EEFSEC: variants seen among roughly 807,000 people sequenced by gnomAD.
The protein encoded by EEFSEC is eukaryotic elongation factor, selenocysteine-tRNA specific.
A neutral mutation model predicts 42.1 loss-of-function variants in EEFSEC; 43 were observed. The ratio of observed to expected loss-of-function variants is 1.02; its 90% CI spans 0.80 to 1.32. The LOEUF is 1.32. Among genes scored for constraint, EEFSEC ranks in the 40% most tolerant of loss-of-function variants. The pLI is 0.00. For missense variants in EEFSEC, 745 were observed against 803.6 expected (o/e 0.93, Z 0.88); for synonymous variants, 354 against 339.1 (o/e 1.04, Z -0.48).
chr3:128,312,376 C>T (rs6794591), intron 4 of EEFSEC, among the ~76,000 whole-genome samples: 26,498 of 152,198 alleles, frequency 0.17, 3,060 homozygotes, highest in African/African-American at 0.33. Flanking sequence ...AGCTCTCTCT[C>T]CTGGAGTTTT....
intron 6 of EEFSEC, among the ~76,000 whole-genome samples, chr3:128,379,773 C>T (rs2067752124): frequency 1.3e-5 from 2 of 152,256 alleles, no homozygotes; most frequent in Admixed American, 6.5e-5. Context: ...GGAGTGTCTT[C>T]GTGGGGTCAC....
intron 4 of EEFSEC, among the ~76,000 whole-genome samples, chr3:128,303,100 G>A (rs1559911072): frequency 6.6e-6 from 1 of 152,038 alleles, no homozygotes. Context: ...ATGATATATT[G>A]CTTTGCATTT....
downstream of EEFSEC, among the ~76,000 whole-genome samples, chr3:128,411,174 C>T (rs903791356): frequency 2.0e-5 from 3 of 152,196 alleles, no homozygotes; most frequent in South Asian, 2.1e-4. Flanking sequence ...TGCCAGCACC[C>T]GCTTCTGGCT....
At position 128,153,651 on chromosome 3, in the gene EEFSEC, G is replaced by T. The variant is rs148745324; in HGVS notation, c.144G>T (p.Thr48=). The T allele has an allele frequency of 3.7e-3, 5,891 of 1,598,438 alleles. 21 individuals carry two copies. The highest frequency in any genetic ancestry group is 4.3e-3 in the Non-Finnish European group (5,030 of 1,178,174). ...KQPQSRERGI[T]LDLGFSCFSV... ...CGCAGAGCCGCGAGCGCGGCATCAC[G>T]CTCGATCTGGGCTTCTCGTGCTTCT... The change falls in exon 1 of 7, where the codon ACG becomes ACT. Residue 48 remains threonine, a synonymous_variant. Coordinates refer to ENST00000254730, the MANE Select transcript of EEFSEC (RefSeq NM_021937.5).
At chr3:128,228,959 GTC>G (rs2065934075) in intron 1 of EEFSEC, among the ~76,000 whole-genome samples, 1 of 152,168 alleles carries the variant, frequency 6.6e-6, no homozygotes, top group South Asian at 2.1e-4. Flanking sequence ...CCAGCCTGGT[GTC>G]TCTGAGGTTT....
intron 3 of EEFSEC, among the ~76,000 whole-genome samples, 181 bp downstream of exon 3, chr3:128,262,405 A>G (rs2066308304): frequency 1.3e-5 from 2 of 152,094 alleles, no homozygotes; most frequent in South Asian, 4.1e-4. Flanking sequence ...AAAAAGGTAG[A>G]CCCAAACTAG....
At position 128,397,962 on chromosome 3, in the gene EEFSEC, C is replaced by T. The variant is rs541631640; in HGVS notation, c.1601-10107C>T. ...GCCATCAGCCCAGCTGGTAGGTGGTCGGCAGACCTGCTCACCCCCCAGCCT... is the reference window on the plus strand; with the variant it reads ...GCCATCAGCCCAGCTGGTAGGTGGTTGGCAGACCTGCTCACCCCCCAGCCT... On this transcript the variant is annotated intron_variant, in intron 6 of 6. Coordinates refer to ENST00000254730, the MANE Select transcript of EEFSEC (RefSeq NM_021937.5). Among the ~76,000 whole-genome samples the T allele has an allele frequency of 1.7e-4, 26 of 152,338 alleles. 1 individual carries two copies. The highest frequency in any genetic ancestry group is 2.1e-4 in the South Asian group (1 of 4,830).
At chr3:128,186,665 TA>T (rs1007259099) in intron 1 of EEFSEC, among the ~76,000 whole-genome samples, 1 of 152,216 alleles carries the variant, frequency 6.6e-6, no homozygotes, top group Non-Finnish European at 1.5e-5. Context: ...CAGTTTTTGT[TA>T]AAAAAACTGT....
At chr3:128,156,513 G>A (rs913537642) in intron 1 of EEFSEC, among the ~76,000 whole-genome samples, 2 of 152,164 alleles carry the variant, frequency 1.3e-5, no homozygotes, top group Admixed American at 6.5e-5. Flanking sequence ...TTTACAAATC[G>A]AAGGTTCAAG....
chr3:128,218,552 T>C (rs2065832626), intron 1 of EEFSEC, among the ~76,000 whole-genome samples: 1 of 152,222 alleles, frequency 6.6e-6, no homozygotes, highest in Non-Finnish European at 1.5e-5. Flanking sequence ...TTTAGATGTG[T>C]CCATTCAGAC....
chr3:128,241,807 T>G (rs1473507909), intron 1 of EEFSEC, among the ~76,000 whole-genome samples: 1 of 152,232 alleles, frequency 6.6e-6, no homozygotes, highest in Non-Finnish European at 1.5e-5. Flanking sequence ...TCTAAATTGT[T>G]TACATATCTG....
chr3:128,265,732 T>A (rs1406309467), intron 4 of EEFSEC, among the ~76,000 whole-genome samples: 1 of 152,194 alleles, frequency 6.6e-6, no homozygotes, highest in Non-Finnish European at 1.5e-5. Flanking sequence ...GGAGGCTGTA[T>A]TGAGGCATTT....
At chr3:128,167,389 T>C (rs536520658) in intron 1 of EEFSEC, among the ~76,000 whole-genome samples, 13 of 152,344 alleles carry the variant, frequency 8.5e-5, no homozygotes, top group African/African-American at 3.1e-4. Flanking sequence ...TCGGAATGAA[T>C]GAATGAATGA....
intron 3 of EEFSEC, 99 bp downstream of exon 3, chr3:128,262,323 C>A: frequency 9.1e-7 from 1 of 1,098,340 alleles, no homozygotes; most frequent in Non-Finnish European, 1.4e-6. Flanking sequence ...GAGAGGCAGC[C>A]CTAGCAAGAG....
chr3:128,378,341 GA>G, intron 6 of EEFSEC, among the ~76,000 whole-genome samples: 1 of 152,302 alleles, frequency 6.6e-6, no homozygotes, highest in Non-Finnish European at 1.5e-5. Context: ...GGCCCTTCAG[GA>G]GGGAGCCACC....
intron 4 of EEFSEC, among the ~76,000 whole-genome samples, chr3:128,295,451 C>CTTTTTTTTTTTTTTTTTTTTT (rs201911929): frequency 3.1e-5 from 2 of 63,986 alleles, no homozygotes; most frequent in Non-Finnish European, 5.6e-5. Context: ...CTTCCCCCTA[C>CTTTTTTTTTTTTTTTTTTTTT]TTTTTTTTTT....
intron 6 of EEFSEC, among the ~76,000 whole-genome samples, chr3:128,385,203 C>G (rs1260577739): frequency 6.6e-6 from 1 of 152,246 alleles, no homozygotes; most frequent in Non-Finnish European, 1.5e-5. Flanking sequence ...GCAGTCCCAG[C>G]AGCTGCTATA....
intron 5 of EEFSEC, among the ~76,000 whole-genome samples, chr3:128,350,759 C>T (rs941443077): frequency 3.3e-5 from 5 of 152,146 alleles, no homozygotes; most frequent in Non-Finnish European, 7.3e-5. Flanking sequence ...TCGATGTGGC[C>T]GTGGGCAAGT....
chr3:128,391,961 A>G (rs1026316857), intron 6 of EEFSEC, among the ~76,000 whole-genome samples: 20 of 152,190 alleles, frequency 1.3e-4, no homozygotes, highest in Non-Finnish European at 2.9e-4. Context: ...CGCTTCCAGA[A>G]GGGCGAGTGC....
Sources: allele counts gnomAD v4.1 joint callset (sites outside exome capture counted in the v4.1 genomes callset), GRCh38; gene constraint gnomAD v4.1.1; transcripts MANE v1.5; gene names NCBI Gene and HGNC (gene_info 2026-07-23, HGNC 2026-07-21).